Variants in MYO10 observed in about 807,000 individuals in gnomAD.
MYO10 encodes the protein unconventional myosin-X.
MYO10 carries 133 observed loss-of-function variants against 257.3 expected under a neutral mutation model. The observed-to-expected ratio is 0.52, with a 90% confidence interval of 0.45 to 0.60. The LOEUF is 0.60. MYO10 is among the 20% of genes least tolerant of loss of function. The pLI, the probability that MYO10 is intolerant of heterozygous loss-of-function variation, is 0.00. For synonymous variants in MYO10, 1,104 were observed against 1,028.6 expected, an observed-to-expected ratio of 1.07 and a Z score of -1.40; for missense variants, 2,399 against 2,635.7, an observed-to-expected ratio of 0.91 and a Z score of 1.97.
rs1009221260 is a variant in MYO10 at position 16,671,121 on chromosome 5, T to C, written c.5431-143A>G. The C allele has an allele frequency of 3.1e-5, 25 of 818,584 alleles. No homozygotes were observed. The African/African-American group carries it at 3.3e-4, about 11-fold the overall frequency. 50.7% of individuals were successfully genotyped at this position (818,584 alleles called of 1,614,324 possible). A position where few individuals can be genotyped will look rare whatever the true frequency, so the allele number is the denominator to read the frequency against. ...CTGGCTAAAACTGTACCCTCACCCC[T>C]GGCTCACTGCTTTAAATTTAATTTT... On this transcript the variant is annotated intron_variant, in intron 38 of 40. Transcript: ENST00000513610.
At chr5:16,827,584 G>A (rs1743039517) in intron 2 of MYO10, among the ~76,000 whole-genome samples, 2 of 152,172 alleles carry the variant, frequency 1.3e-5, no homozygotes, top group African/African-American at 4.8e-5. Flanking sequence ...ACTGCGCCCA[G>A]CCAATGTTAT....
intron 19 of MYO10, among the ~76,000 whole-genome samples, chr5:16,742,673 TGGTG>T (rs1740055702): frequency 6.6e-6 from 1 of 151,584 alleles, no homozygotes; most frequent in Middle Eastern, 3.5e-3. Flanking sequence ...TAGCCAGGCA[TGGTG>T]GTGGGTGCCT....
chr5:16,930,478 G>C (rs947300683), intron 1 of MYO10, among the ~76,000 whole-genome samples: 1 of 152,178 alleles, frequency 6.6e-6, no homozygotes, highest in African/African-American at 2.4e-5. Flanking sequence ...TGCCAGAAAT[G>C]TACAGGCTGA....
At chr5:16,693,680 C>T (rs1275165813) in intron 27 of MYO10, among the ~76,000 whole-genome samples, 8 of 152,182 alleles carry the variant, frequency 5.3e-5, no homozygotes, top group East Asian at 3.8e-4. Flanking sequence ...GAGTGGAGTA[C>T]GGCTACAGGT....
chr5:16,699,980 A>G (rs2126546226), intron 25 of MYO10, among the ~76,000 whole-genome samples: 1 of 152,284 alleles, frequency 6.6e-6, no homozygotes, highest in Admixed American at 6.5e-5. Context: ...AAAACTAACA[A>G]TGCTTTTTAA....
intron 2 of MYO10, among the ~76,000 whole-genome samples, chr5:16,819,727 A>G (rs1228678968): frequency 7.9e-5 from 12 of 152,242 alleles, no homozygotes; most frequent in Admixed American, 7.9e-4. Context: ...ATGGCAACAA[A>G]TGGTATGTTA....
At chr5:16,801,167 A>C (rs952327321) in intron 3 of MYO10, among the ~76,000 whole-genome samples, 1 of 152,154 alleles carries the variant, frequency 6.6e-6, no homozygotes, top group Non-Finnish European at 1.5e-5. Context: ...GGGTAGAGAA[A>C]GAGCACTTAA....
intron 19 of MYO10, among the ~76,000 whole-genome samples, chr5:16,714,185 T>C (rs1286788260): frequency 1.3e-5 from 2 of 151,446 alleles, no homozygotes; most frequent in Non-Finnish European, 2.9e-5. Context: ...AATTAAAGAT[T>C]AAAATTAAGT....
At chr5:16,903,104 G>C (rs941737318) in intron 1 of MYO10, among the ~76,000 whole-genome samples, 1 of 152,228 alleles carries the variant, frequency 6.6e-6, no homozygotes, top group Non-Finnish European at 1.5e-5. Flanking sequence ...CACCCTGTGA[G>C]TGAGTAACTA....
At chr5:16,889,496 AAGGAAGGAAGGAAGGAAGGAAGGAAG>A (rs1744986733) in intron 1 of MYO10, among the ~76,000 whole-genome samples, 1 of 54,406 alleles carries the variant, frequency 1.8e-5, no homozygotes, top group Admixed American at 2.3e-4. Context: ...GGAAGGAAGG[AAGGAAGGAAGGAAGGAAGGAAGGAAG>A]GAAGGAAGGA....
chr5:16,692,093 C>T (rs578108754), intron 27 of MYO10, among the ~76,000 whole-genome samples: 1 of 152,132 alleles, frequency 6.6e-6, no homozygotes, highest in African/African-American at 2.4e-5. Context: ...TAAAACCAAC[C>T]CAAACCAACA....
chr5:16,762,433 A>C, intron 15 of MYO10, 112 bp downstream of exon 15: 2 of 847,734 alleles, frequency 2.4e-6, no homozygotes, highest in Admixed American at 5.6e-5. Flanking sequence ...TTGAGAATAA[A>C]TGTTCAATGT....
rs1050173911 is a variant in MYO10, at chr5:16,689,813, C to T, written c.3896+11G>A. ...GATGTGGGTAACACAAAGTCAACAG[C>T]GCAGACTCACCTGGCATCTTCTGGG... On this transcript the variant is annotated intron_variant, in intron 28 of 40. Coordinates refer to ENST00000513610, the MANE Select transcript of MYO10 (RefSeq NM_012334.3). 15 of 1,599,228 alleles carry T rather than the reference C, an allele frequency of 9.4e-6. No individual in the cohort carries two copies. The highest frequency in any genetic ancestry group is 1.3e-5 in the African/African-American group (1 of 74,562).
At chr5:16,684,708 C>G (rs547480676) in intron 29 of MYO10, among the ~76,000 whole-genome samples, 3 of 126,924 alleles carry the variant, frequency 2.4e-5, no homozygotes, top group South Asian at 2.6e-4. Context: ...GTTTCCAAAG[C>G]AGGGTTTTGT....
At chr5:16,687,798 CT>C (rs1290404421) in intron 28 of MYO10, among the ~76,000 whole-genome samples, 1 of 152,058 alleles carries the variant, frequency 6.6e-6, no homozygotes, top group Non-Finnish European at 1.5e-5. Flanking sequence ...AACAGCAAGA[CT>C]TCATTGCTTT....
At position 16,669,394 on chromosome 5, in the gene MYO10, T is replaced by C. The variant is rs538351383; in HGVS notation, c.5884-926A>G. ...ACGCCCAGCTAATTTTTTGCAGAGA[T>C]GGGGTTTCACCGTGTTAGCCAGGAT... On this transcript the variant is annotated intron_variant, in intron 39 of 40. Coordinates refer to ENST00000513610, the MANE Select transcript of MYO10 (RefSeq NM_012334.3). Among the ~76,000 whole-genome samples the C allele has an allele frequency of 3.4e-4, 51 of 152,012 alleles. 1 individual carries two copies. Among genetic ancestry groups the C allele is most frequent in the Admixed American group, 1.2e-3 (19 of 15,260 alleles).
rs775786135 is a variant in MYO10, at chr5:16,728,400, C to T, written c.1930-17155G>A. ...TCCTTGGGGATGAGGTACCTGGGGA[C>T]TTTCTTTTGGCTCCCACCCCTCCAG... is the stretch of plus-strand genomic sequence containing the variant. On this transcript the variant is annotated intron_variant, in intron 19 of 40. Transcript: ENST00000513610. 9.9e-5 allele frequency among the ~76,000 whole-genome samples: 15 copies of T among 152,038 alleles called. 1 individual carries two copies. The highest frequency in any genetic ancestry group is 1.9e-4 in the Non-Finnish European group (13 of 68,028).
Position 16,670,749 on chromosome 5 carries a change from C to G in MYO10, c.5660G>C (p.Gly1887Ala). 6.2e-7 allele frequency: 1 copy of G among 1,613,988 alleles called. No homozygotes were observed. ...LEKRRTSFLE[G>A]TLRRSFRTGS... ...TGTCCGGAAGCTCCGCCTCAGGGTC[C>G]CCTCTAGGAAGCTCGTCCGCCTCTT... Residue 1887 changes from glycine (G) to alanine (A), a missense_variant, in exon 39 of 41, where the codon GGG becomes GCG. Gly to Ala is a moderately conservative substitution (Grantham distance 60). Transcript: ENST00000513610.
chr5:16,718,315 C>G (rs1194151819), intron 19 of MYO10, among the ~76,000 whole-genome samples: 46 of 152,262 alleles, frequency 3.0e-4, no homozygotes, highest in African/African-American at 9.6e-4. Flanking sequence ...TCCCATCGAC[C>G]ACCTAAGGGC....
Sources: gnomAD v4.1 joint callset for allele counts (sites outside exome capture counted in the v4.1 genomes callset) on GRCh38, gnomAD v4.1.1 for gene constraint, MANE v1.5 for transcripts, NCBI Gene and HGNC (gene_info 2026-07-23, HGNC 2026-07-21) for gene names.